Variants in ZNF385B observed in about 807,000 individuals in gnomAD.
The protein encoded by ZNF385B is zinc finger protein 533.
In ZNF385B, 23 loss-of-function variants were observed where a neutral mutation model predicts 39.2. The ratio of observed to expected loss-of-function variants is 0.59; its 90% CI spans 0.42 to 0.83. ZNF385B has a LOEUF of 0.83. Ranked by LOEUF, ZNF385B falls within the 40% of genes least tolerant of loss-of-function variation. ZNF385B has a pLI of 0.00. For synonymous variants in ZNF385B, 205 were observed against 222.6 expected, an observed-to-expected ratio of 0.92 and a Z score of 0.70; for missense variants, 552 against 598.9, an observed-to-expected ratio of 0.92 and a Z score of 0.82.
chr2:179,848,856 C>T (rs11884278), intron 1 of ZNF385B, among the ~76,000 whole-genome samples: 3,852 of 152,066 alleles, frequency 0.025, 151 homozygotes, highest in African/African-American at 0.087. Context: ...ACTTGGGTGT[C>T]GGTCTCTTTC....
At chr2:179,821,675 G>A (rs561923627) in intron 1 of ZNF385B, among the ~76,000 whole-genome samples, 1 of 152,140 alleles carries the variant, frequency 6.6e-6, no homozygotes, top group South Asian at 2.1e-4. Context: ...ACCCAAGATA[G>A]ACTAAATGAC....
In ZNF385B at chr2:179,539,835, C is replaced by T. The variant is rs138560548; in HGVS notation, c.441+4992G>A. Reference sequence around the variant, plus strand: ...AACTTTGGTAGCGATTTTCAGTTTGCTGATGTTTCTTGGTTTTTATCTTGC... The same window carrying T: ...AACTTTGGTAGCGATTTTCAGTTTGTTGATGTTTCTTGGTTTTTATCTTGC... On this transcript the variant is annotated intron_variant, in intron 4 of 9. Coordinates refer to ENST00000410066, the MANE Select transcript of ZNF385B (RefSeq NM_152520.6). 1.7e-3 allele frequency among the ~76,000 whole-genome samples: 266 copies of T among 152,228 alleles called. 2 individuals carry two copies. Among genetic ancestry groups the T allele is most frequent in the Non-Finnish European group, 1.5e-3 (100 of 68,008 alleles).
intron 5 of ZNF385B, among the ~76,000 whole-genome samples, chr2:179,491,263 T>C (rs1394902608): frequency 6.6e-6 from 1 of 152,196 alleles, no homozygotes; most frequent in Non-Finnish European, 1.5e-5. Flanking sequence ...TCCATTTAAA[T>C]TATATTACAA....
At position 179,551,962 on chromosome 2, in the gene ZNF385B, T is replaced by C. The variant is rs1044546627; in HGVS notation, c.299-6993A>G. The stretch of plus-strand genomic sequence containing the variant: ...CCCATTAGAATGTAATTAAATTTCT[T>C]GCATACATTTCACTTTGATGGTAAA... On this transcript the variant is annotated intron_variant, in intron 3 of 9. Coordinates refer to ENST00000410066, the MANE Select transcript of ZNF385B (RefSeq NM_152520.6). Among the ~76,000 whole-genome samples the C allele has an allele frequency of 2.0e-4, 26 of 133,252 alleles. 2 individuals are homozygous for C. Among genetic ancestry groups the C allele is most frequent in the Non-Finnish European group, 6.4e-5 (4 of 62,532 alleles). 87.4% of individuals were successfully genotyped at this position (133,252 alleles called of 152,430 possible).
intron 3 of ZNF385B, among the ~76,000 whole-genome samples, chr2:179,553,195 A>G (rs1257152614): frequency 6.7e-6 from 1 of 149,260 alleles, no homozygotes; most frequent in East Asian, 1.9e-4. Flanking sequence ...TGGACCTCCA[A>G]ACAGATATAG....
intron 3 of ZNF385B, among the ~76,000 whole-genome samples, chr2:179,729,682 G>C (rs927600761): frequency 2.0e-5 from 3 of 152,156 alleles, no homozygotes; most frequent in Non-Finnish European, 4.4e-5. Context: ...TGGGCTCTGT[G>C]TCCCCACACA....
chr2:179,697,868 A>T (rs1698885232), intron 3 of ZNF385B, among the ~76,000 whole-genome samples: 1 of 152,242 alleles, frequency 6.6e-6, no homozygotes, highest in Non-Finnish European at 1.5e-5. Context: ...GCCATAAAAA[A>T]GGATGAGTTC....
At chr2:179,549,667 T>C (rs2060447707) in intron 3 of ZNF385B, among the ~76,000 whole-genome samples, 1 of 149,722 alleles carries the variant, frequency 6.7e-6, no homozygotes, top group Admixed American at 6.6e-5. Flanking sequence ...CTCTGCATCA[T>C]ATTTCAAATC....
chr2:179,477,490 T>C lies in ZNF385B; in HGVS notation c.715+5782A>G, dbSNP rs113199426. Among the ~76,000 whole-genome samples, 955 of 152,336 alleles carry C rather than the reference T, an allele frequency of 6.3e-3. 9 individuals carry two copies. The highest frequency in any genetic ancestry group is 0.022 in the African/African-American group (907 of 41,576). On this transcript the variant is annotated intron_variant, in intron 6 of 9. Coordinates refer to ENST00000410066, the MANE Select transcript of ZNF385B (RefSeq NM_152520.6). ...TAACACTGTTACCTCACGGTCTCCA[T>C]AGGGCATGGGTGTGGGATAAATAAA...
chr2:179,540,478 AAAC>A (rs529398502), intron 4 of ZNF385B, among the ~76,000 whole-genome samples: 1 of 150,498 alleles, frequency 6.6e-6, no homozygotes, highest in Non-Finnish European at 1.5e-5. Context: ...AACACCAACC[AAAC>A]AACAACAACA....
At chr2:179,639,248 A>AAAAAAAAAG (rs1288891564) in intron 3 of ZNF385B, among the ~76,000 whole-genome samples, 1 of 98,946 alleles carries the variant, frequency 1.0e-5, no homozygotes, top group Non-Finnish European at 2.4e-5. Context: ...AAAAAAAAAA[A>AAAAAAAAAG]AGGGGGAGAA....
chr2:179,554,016 C>T (rs1441008120), intron 3 of ZNF385B, among the ~76,000 whole-genome samples: 1 of 148,974 alleles, frequency 6.7e-6, no homozygotes, highest in Non-Finnish European at 1.5e-5. Flanking sequence ...TTATTTATAC[C>T]TCCACTGTCT....
chr2:179,496,988 G>C (rs958594085), intron 5 of ZNF385B, among the ~76,000 whole-genome samples: 1 of 152,220 alleles, frequency 6.6e-6, no homozygotes, highest in Non-Finnish European at 1.5e-5. Context: ...GGCAGAGGTT[G>C]CAGTGAGCTG....
At chr2:179,466,914 T>G (rs1463385927) in intron 6 of ZNF385B, among the ~76,000 whole-genome samples, 2 of 4,126 alleles carry the variant, frequency 4.8e-4, no homozygotes, top group African/African-American at 7.0e-4. Flanking sequence ...AGCAAGACTG[T>G]CAAAAAAAAA....
intron 3 of ZNF385B, among the ~76,000 whole-genome samples, chr2:179,657,205 A>C (rs1454043585): frequency 2.6e-5 from 4 of 152,178 alleles, no homozygotes; most frequent in Non-Finnish European, 5.9e-5. Flanking sequence ...TGAAGAAAAG[A>C]TGCTAGCTCC....
In ZNF385B at chr2:179,583,963, A is replaced by G. The variant is rs937410091; in HGVS notation, c.299-38994T>C. ...ATCAACATACCCACTCAGTTCATAC[A>G]TTCATATTTACCGAGCATCTGCCAT... On this transcript the variant is annotated intron_variant, in intron 3 of 9. Transcript: ENST00000410066. 7 of 1,303,212 alleles carry G rather than the reference A, an allele frequency of 5.4e-6. No individual in the cohort carries two copies. The Admixed American group carries it at 6.9e-5, about 13-fold the overall frequency. The allele number at this position is 1,303,212 out of a possible 1,614,324, so 80.7% of individuals were successfully genotyped here. A position where few individuals can be genotyped will look rare whatever the true frequency, so the allele number is the denominator to read the frequency against.
intron 3 of ZNF385B, among the ~76,000 whole-genome samples, chr2:179,641,153 T>TG (rs1692232233): frequency 6.6e-6 from 1 of 152,170 alleles, no homozygotes; most frequent in Non-Finnish European, 1.5e-5. Flanking sequence ...TTCTTTGTGC[T>TG]GCTTTACAGA....
At chr2:179,847,461 CTAAAGA>C (rs1243571144) in intron 1 of ZNF385B, among the ~76,000 whole-genome samples, 2 of 152,156 alleles carry the variant, frequency 1.3e-5, no homozygotes, top group African/African-American at 4.8e-5. Context: ...GTGAGGTCCA[CTAAAGA>C]TAAATTCCCT....
chr2:179,634,812 C>T (rs1292168147), intron 3 of ZNF385B, among the ~76,000 whole-genome samples: 3 of 151,994 alleles, frequency 2.0e-5, no homozygotes, highest in African/African-American at 7.2e-5. Flanking sequence ...CCAGATGTCC[C>T]TCAATGATAG....
Sources: gnomAD v4.1 joint callset for allele counts (sites outside exome capture counted in the v4.1 genomes callset) on GRCh38, gnomAD v4.1.1 for gene constraint, MANE v1.5 for transcripts, NCBI Gene and HGNC (gene_info 2026-07-23, HGNC 2026-07-21) for gene names.